The following AP2B1 variants were observed in gnomAD, a reference collection of about 807,000 sequenced individuals.
AP2B1 encodes adaptor related protein complex 2 subunit beta 1.
A neutral mutation model predicts 102.0 loss-of-function variants in AP2B1; 23 were observed. The ratio of observed to expected loss-of-function variants is 0.23; its 90% CI spans 0.16 to 0.32. AP2B1 has a LOEUF of 0.32. AP2B1 is among the 10% of genes least tolerant of loss of function. The pLI, the probability that AP2B1 is intolerant of heterozygous loss-of-function variation, is 1.00. For synonymous variants in AP2B1, 381 were observed against 421.2 expected (o/e 0.90, Z 1.17); for missense variants, 541 against 1,157.4 (o/e 0.47, Z 7.73).
chr17:35,656,884 CA>C (rs11400227), intron 13 of AP2B1, among the ~76,000 whole-genome samples: 34 of 137,856 alleles, frequency 2.5e-4, no homozygotes, highest in South Asian at 4.7e-4. Context: ...GACTCCGTCT[CA>C]AAAAAAAAAA....
intron 18 of AP2B1, among the ~76,000 whole-genome samples, chr17:35,708,460 C>G (rs1467407693): frequency 6.6e-6 from 1 of 150,956 alleles, no homozygotes; most frequent in Non-Finnish European, 1.5e-5. Flanking sequence ...AACAAACAAA[C>G]AGGATGCTCT....
intron 9 of AP2B1, among the ~76,000 whole-genome samples, chr17:35,628,787 T>C (rs1324923091): frequency 6.6e-6 from 1 of 152,210 alleles, no homozygotes; most frequent in Non-Finnish European, 1.5e-5. Flanking sequence ...TGTTCCTATA[T>C]CCATTATCAT....
At chr17:35,597,028 G>A (rs1355851622) in intron 2 of AP2B1, 3 of 608,160 alleles carry the variant, frequency 4.9e-6, no homozygotes, top group Admixed American at 4.4e-5. Context: ...CACAGGTGGC[G>A]GCGAAGCCCC....
chr17:35,611,421 A>G (rs1460713327), intron 5 of AP2B1, among the ~76,000 whole-genome samples: 2 of 152,196 alleles, frequency 1.3e-5, no homozygotes, highest in East Asian at 3.8e-4. Flanking sequence ...CTATACAGTT[A>G]GATGGTCAGG....
chr17:35,700,367 A>T (rs1227139903), intron 18 of AP2B1, among the ~76,000 whole-genome samples: 2 of 152,004 alleles, frequency 1.3e-5, no homozygotes, highest in East Asian at 3.9e-4. Flanking sequence ...GAGATGGTTG[A>T]CGTCACTGCC....
At chr17:35,665,742 C>G (rs758661802) in intron 14 of AP2B1, among the ~76,000 whole-genome samples, 7 of 152,182 alleles carry the variant, frequency 4.6e-5, no homozygotes, top group Non-Finnish European at 7.3e-5. Flanking sequence ...GAGACACTAG[C>G]TCTAAACAGG....
In AP2B1 at chr17:35,671,893, C is replaced by T. The variant is rs752568925; in HGVS notation, c.2171C>T (p.Pro724Leu). 1 of 1,614,010 alleles carries T rather than the reference C, an allele frequency of 6.2e-7. No individual in the cohort carries two copies. The highest frequency in any genetic ancestry group is 8.5e-7 in the Non-Finnish European group (1 of 1,179,920). The change falls in exon 16 of 22, where the codon CCT becomes CTT. Residue 724 changes from proline (P) to leucine (L), a missense_variant. Around this residue, in one of 10 missense-constraint regions of AP2B1, gnomAD observed 62 missense variants for 87.6 expected, o/e 0.71. Coordinates refer to ENST00000610402, the MANE Select transcript of AP2B1 (RefSeq NM_001030006.2). ...ATGGCACCTGGTGGATATGTGGCTC[C>T]TAAGGCTGTAAGTAAAGAGTTAACA... ...IGMAPGGYVA[P>L]KAVWLPAVKA...
At chr17:35,669,955 T>A (rs77866969) in intron 14 of AP2B1, among the ~76,000 whole-genome samples, 3,664 of 152,320 alleles carry the variant, frequency 0.024, 132 homozygotes, top group East Asian at 0.19. Flanking sequence ...TTAGTTGTGT[T>A]TATGTGTGTT....
chr17:35,651,466 G>A (rs746025891), intron 13 of AP2B1, among the ~76,000 whole-genome samples: 4 of 152,084 alleles, frequency 2.6e-5, no homozygotes, highest in East Asian at 1.9e-4. Context: ...CTTACAATGG[G>A]TATCTCAGAA....
In AP2B1 at chr17:35,709,374, A is replaced by G. The variant is rs923235558; in HGVS notation, c.2539+66A>G. 1.8e-5 allele frequency: 24 copies of G among 1,368,072 alleles called. No homozygotes were observed. In the African/African-American group the frequency reaches 2.9e-4, roughly 16 times the overall value. The allele number at this position is 1,368,072 out of a possible 1,614,324, so 84.7% of individuals were successfully genotyped here. The stretch of plus-strand genomic sequence containing the variant: ...CCTTCCTGTGCATGTCAGGCAGAGC[A>G]TAGCCCCAGAAGTTTTGAGTTATTT... On this transcript the variant is annotated intron_variant, in intron 19 of 21. Transcript: ENST00000610402.
intron 2 of AP2B1, among the ~76,000 whole-genome samples, chr17:35,595,840 TTTC>T (rs1455792900): frequency 1.3e-5 from 2 of 152,208 alleles, no homozygotes; most frequent in Admixed American, 6.5e-5. Flanking sequence ...AATATGTTTA[TTTC>T]TTCTTCTGTT....
chr17:35,717,688 G>A (rs1303579984), intron 21 of AP2B1, among the ~76,000 whole-genome samples: 1 of 152,180 alleles, frequency 6.6e-6, no homozygotes, highest in African/African-American at 2.4e-5. Flanking sequence ...ATAAGCTGCC[G>A]AGAGGATTGT....
At position 35,717,207 on chromosome 17, in the gene AP2B1, G is replaced by A. The variant is rs782225194; in HGVS notation, c.2639G>A (p.Ser880Asn). Reference protein sequence around the residue: ...ECHLNADTVSSKLQNNNVYTI... With the variant: ...ECHLNADTVSNKLQNNNVYTI... ...TCTGTATTTCTAGACACTGTTTCCA[G>A]CAAGTTGCAAAACAACAATGTTTAT... is the stretch of plus-strand genomic sequence containing the variant. Residue 880 changes from serine to asparagine, a missense_variant, in exon 21 of 22, where the codon AGC (serine) becomes AAC (asparagine). Transcript: ENST00000610402. The A allele has an allele frequency of 6.2e-7, 1 of 1,613,806 alleles. No homozygotes were observed. Among genetic ancestry groups the A allele is most frequent in the Non-Finnish European group, 8.5e-7 (1 of 1,179,816 alleles).
At chr17:35,709,348 C>A in intron 19 of AP2B1, 40 bp downstream of exon 19, 2 of 1,546,698 alleles carry the variant, frequency 1.3e-6, no homozygotes. Flanking sequence ...TATACCTTTG[C>A]CCTTCCTGTG....
intron 5 of AP2B1, among the ~76,000 whole-genome samples, chr17:35,612,900 ACACACACAG>A (rs1354751449): frequency 3.3e-5 from 5 of 151,438 alleles, no homozygotes; most frequent in Non-Finnish European, 5.9e-5. Context: ...ACACACACAC[ACACACACAG>A]AACTGCTTCA....
At chr17:35,680,844 C>G in intron 17 of AP2B1, among the ~76,000 whole-genome samples, 1 of 151,912 alleles carries the variant, frequency 6.6e-6, no homozygotes, top group East Asian at 1.9e-4. Flanking sequence ...TTACAGGTGC[C>G]TGTTACCTGG....
Position 35,639,661 on chromosome 17 carries a change from A to G in AP2B1, c.1338A>G (p.Ala446=). Residue 446 remains alanine, a synonymous_variant, in exon 11 of 22, where the codon GCA becomes GCG. Coordinates refer to ENST00000610402, the MANE Select transcript of AP2B1 (RefSeq NM_001030006.2). The part of the protein sequence containing the change: ...LDSLDEPDAR[A]AMIWIVGEYA... ...CGCTGGATGAGCCAGATGCTCGAGC[A>G]GCTATGATTTGGATTGTGGGAGAAT... 1.2e-6 allele frequency: 2 copies of G among 1,614,150 alleles called. No individual in the cohort carries two copies. The highest frequency in any genetic ancestry group is 1.7e-6 in the Non-Finnish European group (2 of 1,180,000).
chr17:35,694,211 G>A (rs587632470), intron 18 of AP2B1, among the ~76,000 whole-genome samples: 7 of 151,970 alleles, frequency 4.6e-5, no homozygotes, highest in South Asian at 2.1e-4. Flanking sequence ...TTGCCTTCAC[G>A]ATTTTTTGAT....
rs587670482 is a variant in AP2B1 at position 35,706,821 on chromosome 17, T to A, written c.2455-2403T>A. ...ACACCCAACTAATATATATATATTT[T>A]TTTGTATTTTTAGTAGAGATGGGGT... On this transcript the variant is annotated intron_variant, in intron 18 of 21. Coordinates refer to ENST00000610402, the MANE Select transcript of AP2B1 (RefSeq NM_001030006.2). Among the ~76,000 whole-genome samples, 39 of 151,616 alleles carry A rather than the reference T, an allele frequency of 2.6e-4. No individual in the cohort carries two copies. The South Asian group carries it at 3.8e-3, about 15-fold the overall frequency.
Sources: allele counts gnomAD v4.1 joint callset (sites outside exome capture counted in the v4.1 genomes callset), GRCh38; gene constraint gnomAD v4.1.1; regional missense constraint gnomAD v4.1.1; transcripts MANE v1.5; gene names NCBI Gene and HGNC (gene_info 2026-07-23, HGNC 2026-07-21).